TENM3: variants seen among roughly 807,000 people sequenced by gnomAD.
TENM3 encodes teneurin-3.
A neutral mutation model predicts 255.1 loss-of-function variants in TENM3; 63 were observed. The ratio of observed to expected loss-of-function variants is 0.25; its 90% CI spans 0.20 to 0.30. TENM3 has a LOEUF of 0.30. Ranked by LOEUF, TENM3 falls within the 10% of genes least tolerant of loss-of-function variation. The probability of loss-of-function intolerance (pLI) is 1.00; values close to 1 mark genes in which losing one functional copy is unlikely to be tolerated. For missense variants in TENM3, 2,929 were observed against 3,461.1 expected, an observed-to-expected ratio of 0.85 and a Z score of 3.86; for synonymous variants, 1,306 against 1,322.3, an observed-to-expected ratio of 0.99 and a Z score of 0.27.
At chr4:181,793,547 G>A in the TENM3 span, among the ~76,000 whole-genome samples, 2 of 152,182 alleles carry the variant, frequency 1.3e-5, no homozygotes, top group Non-Finnish European at 2.9e-5. Context: ...ATTCACTGTG[G>A]CTTTGAAGGC....
At chr4:182,054,866 C>T in the TENM3 span, among the ~76,000 whole-genome samples, 2 of 152,086 alleles carry the variant, frequency 1.3e-5, no homozygotes, top group African/African-American at 4.8e-5. Context: ...TCATAGGAGA[C>T]TCCTTGGGGA....
intron 1 of TENM3, among the ~76,000 whole-genome samples, chr4:182,303,742 C>CTTTGAATTAA (rs1343166290): frequency 2.6e-5 from 4 of 152,090 alleles, no homozygotes; most frequent in Non-Finnish European, 4.4e-5. Flanking sequence ...TGAGATAAGG[C>CTTTGAATTAA]ATGTAAAGTG....
At chr4:182,203,412 C>T (rs1754335824) in intron 1 of TENM3, among the ~76,000 whole-genome samples, 1 of 152,152 alleles carries the variant, frequency 6.6e-6, no homozygotes, top group South Asian at 2.1e-4. Flanking sequence ...GGCCAGTTCC[C>T]AGTCCCCAAA....
In TENM3 at chr4:182,637,139, T is replaced by TGAC. The variant is rs369418382; in HGVS notation, c.988+8252_988+8253insCGA. The stretch of plus-strand genomic sequence containing the variant: ...TGGCATAAATAAGGTTAAAAAAACT[T>TGAC]GAATTACTAGGAATTTTAGAAGTGA... On this transcript the variant is annotated intron_variant, in intron 5 of 27. Coordinates refer to ENST00000511685, the MANE Select transcript of TENM3 (RefSeq NM_001080477.4). 8.3e-3 allele frequency among the ~76,000 whole-genome samples: 1,264 copies of TGAC among 152,320 alleles called. 16 individuals carry two copies. The highest frequency in any genetic ancestry group is 0.029 in the African/African-American group (1,199 of 41,568).
intron 3 of TENM3, among the ~76,000 whole-genome samples, chr4:182,405,316 A>G (rs577754370): frequency 1.3e-5 from 2 of 152,174 alleles, no homozygotes; most frequent in East Asian, 3.9e-4. Flanking sequence ...TTTTGGTGAG[A>G]GAAAGAACCC....
intron 5 of TENM3, among the ~76,000 whole-genome samples, chr4:182,651,025 T>C (rs1278391576): frequency 6.6e-6 from 1 of 151,890 alleles, no homozygotes; most frequent in Non-Finnish European, 1.5e-5. Context: ...ATCCCATGGA[T>C]TATGTCTACT....
chr4:182,161,285 G>A (rs1404663477), intron 1 of TENM3, among the ~76,000 whole-genome samples: 12 of 136,804 alleles, frequency 8.8e-5, no homozygotes, highest in Non-Finnish European at 1.3e-4. Context: ...GCGTGGTGGC[G>A]GGCGCCTGTA....
chr4:182,345,397 C>T lies in TENM3; in HGVS notation c.233-1254C>T, dbSNP rs187702236. ...TATGTTTCTCATATCAACCTATTAG[C>T]ATTAAAATGTTCACAGATTTAAGAG... On this transcript the variant is annotated intron_variant, in intron 2 of 27. Transcript: ENST00000511685. 5.3e-5 allele frequency among the ~76,000 whole-genome samples: 8 copies of T among 152,260 alleles called. No homozygotes were observed. The East Asian group carries it at 1.5e-3, about 29-fold the overall frequency.
chr4:182,305,885 G>T (rs778594994), intron 1 of TENM3, among the ~76,000 whole-genome samples: 4 of 152,176 alleles, frequency 2.6e-5, no homozygotes, highest in Non-Finnish European at 5.9e-5. Context: ...CTTTAGTAAT[G>T]GTGGAAGGGA....
intron 13 of TENM3, among the ~76,000 whole-genome samples, chr4:182,727,503 C>G (rs1760309735): frequency 6.6e-6 from 1 of 151,472 alleles, no homozygotes; most frequent in Admixed American, 6.6e-5. Context: ...TCAGTAAAGC[C>G]TGACCTTAAA....
At chr4:182,209,077 C>G (rs186670899) in intron 1 of TENM3, among the ~76,000 whole-genome samples, 6 of 151,966 alleles carry the variant, frequency 3.9e-5, no homozygotes, top group African/African-American at 1.4e-4. Flanking sequence ...AAGCCATTCT[C>G]CTGCCTCAGC....
At chr4:182,092,848 A>C in the TENM3 span, among the ~76,000 whole-genome samples, 1 of 152,198 alleles carries the variant, frequency 6.6e-6, no homozygotes, top group Non-Finnish European at 1.5e-5. Flanking sequence ...TCTTATCTAC[A>C]TAAAGGCTTT....
intron 1 of TENM3, among the ~76,000 whole-genome samples, chr4:182,172,361 A>G (rs1029637068): frequency 1.3e-5 from 2 of 152,160 alleles, no homozygotes; most frequent in Non-Finnish European, 2.9e-5. Context: ...GCAATACAAA[A>G]CAGTATCTAA....
chr4:182,591,224 G>C (rs1210756262), intron 3 of TENM3, among the ~76,000 whole-genome samples: 1 of 152,048 alleles, frequency 6.6e-6, no homozygotes, highest in Admixed American at 6.6e-5. Context: ...GAAATAGAAA[G>C]TACAGTAGAA....
the TENM3 span, among the ~76,000 whole-genome samples, chr4:182,022,100 C>T: frequency 6.6e-6 from 1 of 151,790 alleles, no homozygotes; most frequent in Non-Finnish European, 1.5e-5. Context: ...ATGTTTATAG[C>T]CACATGTTTG....
rs558834738 is a variant in TENM3, at chr4:182,156,160, G to A, written c.-76+11406G>A. ...CATGGATGAATCTATTAGTTTTCGA[G>A]TCATTATGACAGTGGTTATCAGGAA... On this transcript the variant is annotated intron_variant, in intron 1 of 2. Coordinates refer to the TENM3 transcript ENST00000512480. Among the ~76,000 whole-genome samples the A allele has an allele frequency of 7.9e-5, 12 of 151,990 alleles. No homozygotes were observed. The South Asian group carries it at 1.9e-3, about 24-fold the overall frequency.
intron 3 of TENM3, among the ~76,000 whole-genome samples, chr4:182,455,553 CTTTTTTTT>C (rs568361419): frequency 4.1e-5 from 3 of 73,140 alleles, no homozygotes; most frequent in Admixed American, 1.9e-4. Context: ...CATGGTATTT[CTTTTTTTT>C]TTTTTTTTTT....
intron 3 of TENM3, among the ~76,000 whole-genome samples, chr4:182,369,333 G>A (rs1766643252): frequency 6.6e-6 from 1 of 152,144 alleles, no homozygotes; most frequent in Non-Finnish European, 1.5e-5. Flanking sequence ...ACCCTGCTAA[G>A]GTCACACAGA....
chr4:182,197,570 T>C (rs1401408135), intron 1 of TENM3, among the ~76,000 whole-genome samples: 1 of 152,176 alleles, frequency 6.6e-6, no homozygotes, highest in Non-Finnish European at 1.5e-5. Flanking sequence ...AATAATAAGT[T>C]GCAGCTCAAC....
Sources: gnomAD v4.1 joint callset for allele counts (sites outside exome capture counted in the v4.1 genomes callset) on GRCh38, gnomAD v4.1.1 for gene constraint, MANE v1.5 for transcripts, NCBI Gene and HGNC (gene_info 2026-07-23, HGNC 2026-07-21) for gene names.